NDRG3: variants seen among roughly 807,000 people sequenced by gnomAD.
NDRG3 encodes the protein NDRG family member 3.
Under a neutral mutation model 57.2 loss-of-function variants are expected in NDRG3, and 23 were observed. The observed-to-expected ratio is 0.40, with a 90% CI of 0.29 to 0.57. NDRG3 has a LOEUF of 0.57. NDRG3 is among the 20% of genes least tolerant of loss of function. NDRG3 has a pLI of 0.42. For synonymous variants in NDRG3, 132 were observed against 162.6 expected, an observed-to-expected ratio of 0.81 and a Z score of 1.43; for missense variants, 384 against 457.3, an observed-to-expected ratio of 0.84 and a Z score of 1.46.
rs1416830930 is a variant in NDRG3, at chr20:36,733,191, T to A, written c.-48-11408A>T. On this transcript the variant is annotated intron_variant, in intron 1 of 15. Transcript: ENST00000349004. ...AAAAAAATATATATATATATATATA[T>A]ATATATATATATGCACATATAAATT... 1.4e-4 allele frequency among the ~76,000 whole-genome samples: 9 copies of A among 66,594 alleles called. 1 individual carries two copies. Among genetic ancestry groups the A allele is most frequent in the Admixed American group, 4.1e-4 (3 of 7,230 alleles). 43.7% of individuals were successfully genotyped at this position (66,594 alleles called of 152,430 possible).
chr20:36,656,432 G>A (rs746681080), intron 14 of NDRG3, 21 bp from the exon 15 acceptor site: 2 of 1,613,830 alleles, frequency 1.2e-6, no homozygotes, highest in South Asian at 1.1e-5. Flanking sequence ...AAAACAAGAG[G>A]GCATTAATTT....
At chr20:36,669,404 G>GT (rs1344500443) in intron 9 of NDRG3, among the ~76,000 whole-genome samples, 1 of 151,872 alleles carries the variant, frequency 6.6e-6, no homozygotes, top group African/African-American at 2.4e-5. Flanking sequence ...AATTTTTTTT[G>GT]TATTTTTAGT....
intron 7 of NDRG3, 67 bp downstream of exon 7, chr20:36,682,451 A>G: frequency 7.7e-7 from 1 of 1,298,756 alleles, no homozygotes; most frequent in Non-Finnish European, 1.1e-6. Flanking sequence ...GTCATTTAAC[A>G]CAGCAGTAAT....
chr20:36,744,582 T>C (rs1986093295), intron 1 of NDRG3, among the ~76,000 whole-genome samples: 1 of 151,918 alleles, frequency 6.6e-6, no homozygotes. Context: ...GAGAAGGTGG[T>C]GATTTAGTGG....
chr20:36,672,346 G>T (rs1980244599), intron 8 of NDRG3, among the ~76,000 whole-genome samples: 1 of 152,116 alleles, frequency 6.6e-6, no homozygotes, highest in Non-Finnish European at 1.5e-5. Context: ...CTTCTTCCTT[G>T]GTTTTATGCT....
intron 13 of NDRG3, among the ~76,000 whole-genome samples, chr20:36,657,730 A>C (rs1978806188): frequency 6.6e-6 from 1 of 152,216 alleles, no homozygotes; most frequent in African/African-American, 2.4e-5. Flanking sequence ...ACTACTGAGG[A>C]GAATGCCACA....
chr20:36,685,287 A>T (rs924901849), intron 5 of NDRG3, among the ~76,000 whole-genome samples: 3 of 151,144 alleles, frequency 2.0e-5, no homozygotes, highest in Admixed American at 6.6e-5. Flanking sequence ...AGTTATTTTT[A>T]AAATTTTATT....
In NDRG3 at chr20:36,655,051, C is replaced by T. The variant is rs571337608; in HGVS notation, c.946+1309G>A. Among the ~76,000 whole-genome samples, 6 of 152,388 alleles carry T rather than the reference C, an allele frequency of 3.9e-5. No homozygotes were observed. The East Asian group carries it at 9.6e-4, about 24-fold the overall frequency. On this transcript the variant is annotated intron_variant, in intron 15 of 15. Transcript: ENST00000349004. ...TAGACAAAGGCAATTGTTTTCCCCT[C>T]TGCTATAAACAGTCATCTTGCTTTG...
At chr20:36,688,093 C>A (rs1201702291) in intron 4 of NDRG3, among the ~76,000 whole-genome samples, 1 of 152,228 alleles carries the variant, frequency 6.6e-6, no homozygotes, top group Non-Finnish European at 1.5e-5. Flanking sequence ...TCTTTGTATA[C>A]CTGCTTAAAT....
chr20:36,677,190 C>T (rs946819166), intron 8 of NDRG3, among the ~76,000 whole-genome samples: 5 of 152,194 alleles, frequency 3.3e-5, no homozygotes, highest in African/African-American at 9.6e-5. Flanking sequence ...CCCTCCCAGG[C>T]GTAGGACTGG....
At chr20:36,697,640 G>A (rs535766368) in intron 3 of NDRG3, among the ~76,000 whole-genome samples, 8 of 152,050 alleles carry the variant, frequency 5.3e-5, no homozygotes, top group East Asian at 1.9e-4. Context: ...CCCGGGAGGC[G>A]GAGGTTGCAG....
chr20:36,740,993 G>T (rs746899789), intron 1 of NDRG3, among the ~76,000 whole-genome samples: 2 of 151,634 alleles, frequency 1.3e-5, no homozygotes, highest in East Asian at 1.9e-4. Flanking sequence ...AAAGAAAGGT[G>T]GGGGGGGAAT....
intron 1 of NDRG3, 65 bp downstream of exon 1, chr20:36,745,980 A>C: frequency 1.7e-5 from 5 of 287,884 alleles, no homozygotes; most frequent in Admixed American, 5.2e-5. Context: ...AGCAGGGCAA[A>C]GGAGCGACGC....
At chr20:36,710,094 C>T (rs754201228) in intron 2 of NDRG3, among the ~76,000 whole-genome samples, 31 of 151,780 alleles carry the variant, frequency 2.0e-4, no homozygotes, top group Non-Finnish European at 3.5e-4. Context: ...CTGAGGCAGG[C>T]AGATCACTTG....
At chr20:36,703,380 A>C (rs1298629116) in intron 3 of NDRG3, among the ~76,000 whole-genome samples, 1 of 151,974 alleles carries the variant, frequency 6.6e-6, no homozygotes, top group Non-Finnish European at 1.5e-5. Flanking sequence ...TATACTCAAC[A>C]TAGTGAGACC....
chr20:36,680,898 T>C lies in NDRG3; in HGVS notation c.449A>G (p.Asn150Ser), dbSNP rs752053846. 38 of 1,613,710 alleles carry C rather than the reference T, an allele frequency of 2.4e-5. No individual in the cohort carries two copies. Among genetic ancestry groups the C allele is most frequent in the Non-Finnish European group, 3.1e-5 (37 of 1,179,810 alleles). The change falls in exon 8 of 16, where the codon AAC (asparagine) becomes AGC (serine). Residue 150 changes from asparagine to serine, a missense_variant. Physicochemically the swap from Asn to Ser is conservative, Grantham distance 46 (BLOSUM62 1). Transcript: ENST00000349004. ...AAGGCCTTCCACAAGCTCTGGATGG[T>C]TGAGCTGAAAGATGAGGCAAAGACA... ...GAYILSRFAL[N>S]HPELVEGLVL... is the part of the protein sequence containing the mutation.
At chr20:36,699,454 C>T (rs984693008) in intron 3 of NDRG3, among the ~76,000 whole-genome samples, 2 of 152,096 alleles carry the variant, frequency 1.3e-5, no homozygotes, top group African/African-American at 4.8e-5. Flanking sequence ...TATGGAGTGA[C>T]ACTACAGGCA....
chr20:36,680,266 C>T (rs1048332680), intron 8 of NDRG3, among the ~76,000 whole-genome samples: 2 of 151,614 alleles, frequency 1.3e-5, no homozygotes, highest in Non-Finnish European at 2.9e-5. Context: ...GCGGGTGGAT[C>T]ACAAGGTCAG....
At chr20:36,736,790 G>A (rs1233659652) in intron 1 of NDRG3, among the ~76,000 whole-genome samples, 1 of 152,076 alleles carries the variant, frequency 6.6e-6, no homozygotes, top group Non-Finnish European at 1.5e-5. Flanking sequence ...GGAAAGTCTG[G>A]GTACCTCTTC....
Sources: allele counts gnomAD v4.1 joint callset (sites outside exome capture counted in the v4.1 genomes callset), GRCh38; gene constraint gnomAD v4.1.1; transcripts MANE v1.5; gene names NCBI Gene and HGNC (gene_info 2026-07-23, HGNC 2026-07-21).